CALHM4: variants seen among roughly 807,000 people sequenced by gnomAD.
The protein encoded by CALHM4 is calcium homeostasis modulator family member 4, also known as calcium homeostasis modulator protein 4.
Under a neutral mutation model 13.3 loss-of-function variants are expected in CALHM4, and 16 were observed. That is an observed-to-expected ratio of 1.20 (90% confidence interval 0.81 to 1.82). The LOEUF (loss-of-function observed/expected upper bound fraction) is 1.82, where lower values mean the gene tolerates loss of function less well. CALHM4 is among the 40% of genes most tolerant of loss of function. CALHM4 has a pLI of 0.00. For synonymous variants in CALHM4, 127 were observed against 137.1 expected (o/e 0.93, Z 0.52); for missense variants, 344 against 374.9 (o/e 0.92, Z 0.68).
intron 1 of CALHM4, among the ~76,000 whole-genome samples, chr6:116,538,881 C>T (rs1258796358): frequency 6.6e-6 from 1 of 152,016 alleles, no homozygotes; most frequent in Non-Finnish European, 1.5e-5. Context: ...ACAGCTGTGC[C>T]ACCACGCCCG....
At chr6:116,540,841 C>T (rs886235849) in intron 1 of CALHM4, among the ~76,000 whole-genome samples, 1 of 152,254 alleles carries the variant, frequency 6.6e-6, no homozygotes, top group Middle Eastern at 3.4e-3. Flanking sequence ...GCTAAAGCGT[C>T]TGCTACATGT....
Position 116,554,122 on chromosome 6 carries a change from G to A in CALHM4, c.329G>A (p.Arg110Lys). 1 of 1,550,582 alleles carries A rather than the reference G, an allele frequency of 6.4e-7. No individual in the cohort carries two copies. Among genetic ancestry groups the A allele is most frequent in the Non-Finnish European group, 8.7e-7 (1 of 1,146,982 alleles). ...CTTAGGTTCTTCAGCATCACTGGGA[G>A]GGCAGTTATTGCTCCTTTAACTTGG... ...ACLRFFSITG[R>K]AVIAPLTWLA... The change falls in exon 1 of 2, where the codon AGG becomes AAG. Residue 110 changes from arginine (R) to lysine (K), a missense_variant. Arg to Lys is a conservative substitution (Grantham distance 26). Transcript: ENST00000368596.
Position 116,557,824 on chromosome 6 carries a change from G to C in CALHM4, c.559-1G>C. On this transcript the variant is annotated splice_acceptor_variant, in intron 1 of 1. Coordinates refer to ENST00000368596, the MANE Select transcript of CALHM4 (RefSeq NM_001366078.2). LOFTEE classifies it high-confidence loss of function. ...TTTTTCTTTTTAATAATGATGTGAA[G>C]ATGCTGGGTTGGATTTTGATCACCT... is the stretch of plus-strand genomic sequence containing the variant. The C allele has an allele frequency of 6.2e-7, 1 of 1,608,232 alleles. No individual in the cohort carries two copies. Among genetic ancestry groups the C allele is most frequent in the Non-Finnish European group, 8.5e-7 (1 of 1,175,920 alleles).
chr6:116,553,759 G>A lies in CALHM4; in HGVS notation c.-35G>A, dbSNP rs1774182849. 2 of 1,526,520 alleles carry A rather than the reference G, an allele frequency of 1.3e-6. No individual in the cohort carries two copies. The highest frequency in any genetic ancestry group is 2.0e-5 in the Admixed American group (1 of 49,658). 94.6% of individuals were successfully genotyped at this position (1,526,520 alleles called of 1,614,324 possible). On this transcript the variant is annotated 5_prime_UTR_variant, in exon 1 of 2. Transcript: ENST00000368596. Reference sequence around the variant, plus strand: ...GCTGGTGGAGTCTAATGATCAGAAAGGGCCACAAGCTGATTTGTGTAACAG... The same window carrying A: ...GCTGGTGGAGTCTAATGATCAGAAAAGGCCACAAGCTGATTTGTGTAACAG...
chr6:116,554,153 G>A lies in CALHM4; in HGVS notation c.360G>A (p.Ala120=), dbSNP rs1344801416. The A allele has an allele frequency of 9.0e-6, 14 of 1,550,352 alleles. No homozygotes were observed. Among genetic ancestry groups the A allele is most frequent in the African/African-American group, 1.4e-5 (1 of 72,960 alleles). The part of the protein sequence containing the change: ...RAVIAPLTWL[A]VTLLTGTYYE... ...TTATTGCTCCTTTAACTTGGCTGGCGGTGACCCTGCTGACAGGCACGTATT... is the reference window on the plus strand; with the variant it reads ...TTATTGCTCCTTTAACTTGGCTGGCAGTGACCCTGCTGACAGGCACGTATT... Residue 120 remains alanine (A), a synonymous_variant, in exon 1 of 2, where the codon GCG becomes GCA. Coordinates refer to ENST00000368596, the MANE Select transcript of CALHM4 (RefSeq NM_001366078.2).
intron 1 of CALHM4, among the ~76,000 whole-genome samples, chr6:116,542,898 G>A (rs756204663): frequency 6.6e-6 from 1 of 152,036 alleles, no homozygotes; most frequent in Non-Finnish European, 1.5e-5. Flanking sequence ...TTCAATAGAT[G>A]GTCTGTGGTT....
Position 116,541,567 on chromosome 6 carries a change from A to T in CALHM4, c.-108-2198A>T, listed in dbSNP as rs142913516. ...TTATGAATTCAATGAATCTTGTGAGATATCCTATTTATATTTCTGAGTGGA... is the reference window on the plus strand; with the variant it reads ...TTATGAATTCAATGAATCTTGTGAGTTATCCTATTTATATTTCTGAGTGGA... On this transcript the variant is annotated intron_variant, in intron 1 of 2. Coordinates refer to the CALHM4 transcript ENST00000368597. Among the ~76,000 whole-genome samples the T allele has an allele frequency of 5.9e-4, 90 of 152,306 alleles. 1 individual carries two copies. In the East Asian group the frequency reaches 0.012, roughly 21 times the overall value.
At chr6:116,532,953 A>G (rs561281823) in intron 1 of CALHM4, among the ~76,000 whole-genome samples, 1 of 152,326 alleles carries the variant, frequency 6.6e-6, no homozygotes, top group East Asian at 1.9e-4. Flanking sequence ...CCTTTGGCAC[A>G]GAAAGATCTA....
chr6:116,550,244 G>T (rs1389777445), upstream of CALHM4, among the ~76,000 whole-genome samples: 2 of 151,806 alleles, frequency 1.3e-5, no homozygotes, highest in Non-Finnish European at 2.9e-5. Flanking sequence ...CAAGCATTGT[G>T]TGTGGTATAG....
upstream of CALHM4, among the ~76,000 whole-genome samples, chr6:116,550,869 A>G (rs1370805045): frequency 6.6e-6 from 1 of 152,200 alleles, no homozygotes; most frequent in Non-Finnish European, 1.5e-5. Flanking sequence ...ACTAGGTCAA[A>G]TAATGGCCAA....
chr6:116,543,294 T>A, intron 1 of CALHM4: 2 of 1,541,440 alleles, frequency 1.3e-6, no homozygotes. Flanking sequence ...ATGAAGGACT[T>A]CCACTTACAT....
intron 2 of CALHM4, among the ~76,000 whole-genome samples, chr6:116,544,653 A>G (rs1294334668): frequency 6.6e-6 from 1 of 152,160 alleles, no homozygotes; most frequent in African/African-American, 2.4e-5. Flanking sequence ...ATTTCGGTAT[A>G]ATATGAACTA....
intron 1 of CALHM4, among the ~76,000 whole-genome samples, chr6:116,554,998 C>A (rs566008747): frequency 1.3e-5 from 2 of 152,284 alleles, no homozygotes; most frequent in South Asian, 4.1e-4. Flanking sequence ...TCATCAATTT[C>A]TCCAAGGGAT....
chr6:116,533,591 GT>G (rs1254342453), intron 1 of CALHM4, among the ~76,000 whole-genome samples: 2 of 152,184 alleles, frequency 1.3e-5, no homozygotes, highest in Non-Finnish European at 2.9e-5. Context: ...TAACAATCAG[GT>G]TGGCTCGGCT....
At position 116,553,864 on chromosome 6, in the gene CALHM4, C is replaced by T; in HGVS notation, c.71C>T (p.Ala24Val). Residue 24 changes from alanine to valine, a missense_variant, in exon 1 of 2, where the codon GCA becomes GTA. Physicochemically the swap from Ala to Val is moderately conservative, Grantham distance 64. Transcript: ENST00000368596. ...GGAATATTTATCAATTCTTTAATTG[C>T]AGCCTTGACTATTGGTGGGCAACAA... The part of the protein sequence containing the change: ...RNGIFINSLI[A>V]ALTIGGQQLF... 2 of 1,550,640 alleles carry T rather than the reference C, an allele frequency of 1.3e-6. No homozygotes were observed. Among genetic ancestry groups the T allele is most frequent in the South Asian group, 2.4e-5 (2 of 84,060 alleles).
In CALHM4 at chr6:116,560,344, C is replaced by T. The variant is rs151058276; in HGVS notation, c.*2133C>T. 6.3e-4 allele frequency among the ~76,000 whole-genome samples: 96 copies of T among 152,246 alleles called. No individual in the cohort carries two copies. The highest frequency in any genetic ancestry group is 2.3e-3 in the African/African-American group (94 of 41,552). On this transcript the variant is annotated 3_prime_UTR_variant, in exon 2 of 2. Coordinates refer to ENST00000368596, the MANE Select transcript of CALHM4 (RefSeq NM_001366078.2). ...ATTTGAAGTTATAGCATTACATCAT[C>T]AGAAAGAAGATTAATAGTTGTTTAT...
intron 1 of CALHM4, chr6:116,540,533 C>T: frequency 1.4e-6 from 2 of 1,445,760 alleles, no homozygotes; most frequent in Non-Finnish European, 1.9e-6. Context: ...TTTTAAGAAG[C>T]GATTTGTGTG....
At chr6:116,547,579 T>C (rs892169493) in intron 2 of CALHM4, among the ~76,000 whole-genome samples, 3 of 152,148 alleles carry the variant, frequency 2.0e-5, no homozygotes, top group African/African-American at 7.2e-5. Context: ...TGGTTTTCAG[T>C]CTATGAAACC....
At chr6:116,550,999 G>A (rs934087228), upstream of CALHM4, among the ~76,000 whole-genome samples, 4 of 152,088 alleles carry the variant, frequency 2.6e-5, no homozygotes, top group Non-Finnish European at 5.9e-5. Context: ...TCGCGGGCAC[G>A]TAGGGCTAAC....
Sources: allele counts gnomAD v4.1 joint callset (sites outside exome capture counted in the v4.1 genomes callset), GRCh38; gene constraint gnomAD v4.1.1; transcripts MANE v1.5; gene names NCBI Gene and HGNC (gene_info 2026-07-23, HGNC 2026-07-21).